NPFFR1: variants seen among roughly 807,000 people sequenced by gnomAD.
NPFFR1 encodes the protein neuropeptide FF receptor 1, also known as G-protein coupled receptor 147.
A neutral mutation model predicts 12.7 loss-of-function variants in NPFFR1; 17 were observed. The observed-to-expected ratio is 1.34, with a 90% CI of 0.92 to 2.01. NPFFR1 has a LOEUF of 2.01. NPFFR1 is among the 30% of genes most tolerant of loss of function. The pLI is 0.00. For synonymous variants in NPFFR1, 296 were observed against 264.5 expected (o/e 1.12, Z -1.16); for missense variants, 604 against 606.5 (o/e 1.00, Z 0.04).
At chr10:70,282,537 A>T (rs1213028136) in intron 1 of NPFFR1, among the ~76,000 whole-genome samples, 1 of 152,078 alleles carries the variant, frequency 6.6e-6, no homozygotes, top group Non-Finnish European at 1.5e-5. Flanking sequence ...TTTCTATAAA[A>T]CTTGATTTTA....
intron 3 of NPFFR1, among the ~76,000 whole-genome samples, chr10:70,257,988 C>T (rs1169523866): frequency 6.6e-6 from 1 of 152,286 alleles, no homozygotes; most frequent in Non-Finnish European, 1.5e-5. Flanking sequence ...CTTATTATCA[C>T]CCTGCCCTCC....
Position 70,279,755 on chromosome 10 carries a change from A to G in NPFFR1, c.7+3915T>C, listed in dbSNP as rs181159140. Among the ~76,000 whole-genome samples, 802 of 152,298 alleles carry G rather than the reference A, an allele frequency of 5.3e-3. 9 individuals are homozygous for G. Among genetic ancestry groups the G allele is most frequent in the African/African-American group, 0.018 (763 of 41,562 alleles). On this transcript the variant is annotated intron_variant, in intron 1 of 3. Coordinates refer to ENST00000277942, the MANE Select transcript of NPFFR1 (RefSeq NM_022146.5). ...TGATTACAGGCATGAGCCACTGCAC[A>G]TGGCCCTCTTGGCAATTTTGAAATG...
intron 1 of NPFFR1, among the ~76,000 whole-genome samples, chr10:70,274,237 C>G (rs1201160251): frequency 6.6e-6 from 1 of 151,456 alleles, no homozygotes; most frequent in Non-Finnish European, 1.5e-5. Flanking sequence ...ATCACAAGGT[C>G]AGGAGTTCGA....
In NPFFR1 at chr10:70,256,372, T is replaced by C. The variant is rs542862401; in HGVS notation, c.423-545A>G. On this transcript the variant is annotated intron_variant, in intron 3 of 3. Coordinates refer to ENST00000277942, the MANE Select transcript of NPFFR1 (RefSeq NM_022146.5). ...TCTGGGATTATAGATATGAGCCTCC[T>C]TGCGGGGCCATTTGTGTACTTTTGG... Among the ~76,000 whole-genome samples the C allele has an allele frequency of 1.2e-4, 19 of 152,362 alleles. No homozygotes were observed. In the South Asian group the frequency reaches 2.1e-3, roughly 17 times the overall value.
rs778173011 is a variant in NPFFR1, at chr10:70,266,304, A to G, written c.95T>C (p.Phe32Ser). The G allele has an allele frequency of 5.0e-6, 8 of 1,613,616 alleles. No individual in the cohort carries two copies. Among genetic ancestry groups the G allele is most frequent in the Non-Finnish European group, 6.8e-6 (8 of 1,179,802 alleles). Residue 32 changes from phenylalanine (F) to serine (S), a missense_variant, in exon 2 of 4, where the codon TTC becomes TCC. Transcript: ENST00000277942. The stretch of plus-strand genomic sequence containing the variant: ...GGAGGTGTGCTGATAGTAGGAGGAG[A>G]AGGTGAGGTTTGTAGCCGGGGTGGC... The part of the protein sequence containing the change: ...TEATPATNLT[F>S]SSYYQHTSPV...
At position 70,255,552 on chromosome 10, in the gene NPFFR1, A is replaced by G. The variant is rs772873579; in HGVS notation, c.698T>C (p.Val233Ala). The G allele has an allele frequency of 1.3e-6, 2 of 1,550,596 alleles. No homozygotes were observed. Among genetic ancestry groups the G allele is most frequent in the Admixed American group, 3.9e-5 (2 of 51,012 alleles). ...HIYLAPLALI[V>A]VMYARIARKL... is the part of the protein sequence containing the mutation. The stretch of plus-strand genomic sequence containing the variant: ...GCGCGCGATGCGGGCGTACATGACC[A>G]CGATGAGCGCCAGCGGCGCCAGGTA... Residue 233 changes from valine to alanine, a missense_variant, in exon 4 of 4, where the codon GTG (valine) becomes GCG (alanine). Coordinates refer to ENST00000277942, the MANE Select transcript of NPFFR1 (RefSeq NM_022146.5). The surrounding 1 kb of genome is among the most constrained non-coding windows in gnomAD (Gnocchi z 4.2).
chr10:70,261,659 G>A (rs922514217), intron 2 of NPFFR1, among the ~76,000 whole-genome samples: 3 of 152,164 alleles, frequency 2.0e-5, no homozygotes, highest in African/African-American at 7.2e-5. Flanking sequence ...AGTGGTTCTC[G>A]ACACTGGCTG....
chr10:70,264,906 C>G (rs1840674566), intron 2 of NPFFR1, among the ~76,000 whole-genome samples: 1 of 152,224 alleles, frequency 6.6e-6, no homozygotes, highest in Non-Finnish European at 1.5e-5. Context: ...GCCACCTTAA[C>G]CAGCTAGTGA....
chr10:70,270,331 G>A (rs1290750851), intron 1 of NPFFR1, among the ~76,000 whole-genome samples: 2 of 152,130 alleles, frequency 1.3e-5, no homozygotes, highest in Non-Finnish European at 2.9e-5. Context: ...CCCATGAGAG[G>A]CATCACTCAT....
Position 70,280,274 on chromosome 10 carries a change from C to CTT in NPFFR1, c.7+3395_7+3396insAA, listed in dbSNP as rs1343104891. Among the ~76,000 whole-genome samples the CTT allele has an allele frequency of 2.5e-3, 386 of 152,272 alleles. 5 individuals carry two copies. Among genetic ancestry groups the CTT allele is most frequent in the African/African-American group, 8.7e-3 (362 of 41,534 alleles). On this transcript the variant is annotated intron_variant, in intron 1 of 3. Transcript: ENST00000277942. ...AACTTGCTGGATCATATGGTAATTC[C>CTT]GTTTTTAGCTTTTTGAGGAACCTCC... is the stretch of plus-strand genomic sequence containing the variant.
chr10:70,282,590 G>T (rs1840874816), intron 1 of NPFFR1, among the ~76,000 whole-genome samples: 1 of 152,022 alleles, frequency 6.6e-6, no homozygotes, highest in East Asian at 1.9e-4. Flanking sequence ...GGAATTTTGG[G>T]GTTTTATTAC....
chr10:70,257,196 G>A (rs1246363968), intron 3 of NPFFR1, among the ~76,000 whole-genome samples: 1 of 152,130 alleles, frequency 6.6e-6, no homozygotes, highest in Non-Finnish European at 1.5e-5. Flanking sequence ...AGGAGTGTAG[G>A]GAAAAGAAAG....
chr10:70,259,216 G>A (rs1288761389), intron 3 of NPFFR1, among the ~76,000 whole-genome samples: 2 of 151,772 alleles, frequency 1.3e-5, no homozygotes, highest in African/African-American at 2.4e-5. Context: ...AACCCGGGAG[G>A]CAGAGGTTGC....
intron 1 of NPFFR1, among the ~76,000 whole-genome samples, chr10:70,272,206 A>AG (rs11378398): frequency 0.59 from 62,899 of 106,686 alleles, 18,553 homozygotes; most frequent in East Asian, 0.72. Flanking sequence ...AAAGAAAGAA[A>AG]GAAAGGAAAG....
Position 70,253,535 on chromosome 10 carries a change from T to C in NPFFR1, c.*1422A>G, listed in dbSNP as rs1327536744. 1.3e-5 allele frequency: 2 copies of C among 152,298 alleles called. No individual in the cohort carries two copies. The highest frequency in any genetic ancestry group is 6.5e-5 in the Admixed American group (1 of 15,292). The allele number at this position is 152,298 out of a possible 1,614,324, so 9.4% of individuals were successfully genotyped here. ...TTACTATGGATTAAATGAGACGGTG[T>C]CTGGGGACATGCTTGGAGAATGTAT... On this transcript the variant is annotated 3_prime_UTR_variant, in exon 4 of 4. Transcript: ENST00000277942.
chr10:70,281,426 C>T (rs1179235058), intron 1 of NPFFR1, among the ~76,000 whole-genome samples: 1 of 152,082 alleles, frequency 6.6e-6, no homozygotes, highest in Non-Finnish European at 1.5e-5. Flanking sequence ...GCCTTTTCTC[C>T]CTTCTTCATC....
rs1051796336 is a variant in NPFFR1 at position 70,250,379 on chromosome 10, C to T, written c.*4578G>A. 2.3e-4 allele frequency: 35 copies of T among 152,164 alleles called. No individual in the cohort carries two copies. The highest frequency in any genetic ancestry group is 2.0e-3 in the Admixed American group (31 of 15,270). The allele number at this position is 152,164 out of a possible 1,614,324, so 9.4% of individuals were successfully genotyped here. A position where few individuals can be genotyped will look rare whatever the true frequency, so the allele number is the denominator to read the frequency against. On this transcript the variant is annotated 3_prime_UTR_variant, in exon 4 of 4. Transcript: ENST00000277942. ...CACAGACCATGCAACCTACCAATCT[C>T]GATCCTAGGTATCTACCCAAGAAAA...
At chr10:70,256,485 A>G (rs1351985441) in intron 3 of NPFFR1, among the ~76,000 whole-genome samples, 1 of 152,234 alleles carries the variant, frequency 6.6e-6, no homozygotes, top group African/African-American at 2.4e-5. Flanking sequence ...CAAATAACAC[A>G]GTTTCTGTTT....
chr10:70,269,933 C>T (rs2136803668), intron 1 of NPFFR1, among the ~76,000 whole-genome samples: 1 of 152,352 alleles, frequency 6.6e-6, no homozygotes, highest in South Asian at 2.1e-4. Flanking sequence ...TCCTCACGCA[C>T]TCCTGCTTCT....
Sources: allele counts gnomAD v4.1 joint callset (sites outside exome capture counted in the v4.1 genomes callset), GRCh38; gene constraint gnomAD v4.1.1; non-coding constraint Gnocchi (gnomAD v3.1); transcripts MANE v1.5; gene names NCBI Gene and HGNC (gene_info 2026-07-23, HGNC 2026-07-21).